SAMSN1: variants seen among roughly 807,000 people sequenced by gnomAD.
SAMSN1 encodes SAM domain, SH3 domain and nuclear localization signals 1, also known as SAM domain-containing protein SAMSN-1.
In SAMSN1, 31 loss-of-function variants were observed where a neutral mutation model predicts 42.0. That is an observed-to-expected ratio of 0.74 (90% CI 0.55 to 1.00). SAMSN1 has a LOEUF of 1.00. Among genes scored for constraint, SAMSN1 ranks in the 50% least tolerant of loss-of-function variants. The pLI is 0.00. For synonymous variants in SAMSN1, 178 were observed against 151.9 expected (o/e 1.17, Z -1.26); for missense variants, 464 against 439.4 (o/e 1.06, Z -0.50).
intron 2 of SAMSN1, among the ~76,000 whole-genome samples, chr21:14,632,136 A>G (rs542094675): frequency 1.3e-5 from 2 of 152,174 alleles, no homozygotes; most frequent in South Asian, 4.1e-4. Flanking sequence ...TTCAGTGGAG[A>G]GAGTGGTTCT....
At chr21:14,611,430 C>G in intron 4 of SAMSN1, among the ~76,000 whole-genome samples, 1 of 152,192 alleles carries the variant, frequency 6.6e-6, no homozygotes, top group East Asian at 1.9e-4. Flanking sequence ...TTGAATAATG[C>G]AACCTATGCA....
At chr21:14,521,425 C>T (rs907854855) in intron 1 of SAMSN1, among the ~76,000 whole-genome samples, 4 of 152,156 alleles carry the variant, frequency 2.6e-5, no homozygotes, top group South Asian at 2.1e-4. Context: ...TGTCTTTCTA[C>T]GCTTTTTGTC....
At chr21:14,601,920 G>C (rs1982442854) in intron 6 of SAMSN1, 2 of 422,474 alleles carry the variant, frequency 4.7e-6, no homozygotes, top group Non-Finnish European at 8.9e-6. Flanking sequence ...ATAGAAACTA[G>C]CTAAAAGGCT....
intron 2 of SAMSN1, chr21:14,642,927 T>A (rs1600981040): frequency 3.0e-6 from 2 of 675,230 alleles, no homozygotes; most frequent in East Asian, 5.4e-5. Flanking sequence ...GCTGTATTAA[T>A]AAGTATCATT....
At chr21:14,555,674 T>A (rs1331899040) in intron 2 of SAMSN1, among the ~76,000 whole-genome samples, 1 of 152,220 alleles carries the variant, frequency 6.6e-6, no homozygotes. Flanking sequence ...AATACAGTAT[T>A]CTGTGGAAGA....
At position 14,510,296 on chromosome 21, in the gene SAMSN1, T is replaced by A. The variant is rs755538342; in HGVS notation, c.561+14A>T. The stretch of plus-strand genomic sequence containing the variant: ...GACAGACCATTCAGAAGGTGGGATA[T>A]GATGTCCTCTCACCTTGATTTTGAG... On this transcript the variant is annotated intron_variant, in intron 5 of 7. Transcript: ENST00000400566. 6.2e-7 allele frequency: 1 copy of A among 1,612,912 alleles called. No individual in the cohort carries two copies. Among genetic ancestry groups the A allele is most frequent in the South Asian group, 1.1e-5 (1 of 91,056 alleles).
intron 2 of SAMSN1, among the ~76,000 whole-genome samples, chr21:14,639,541 C>T (rs1983544906): frequency 6.6e-6 from 1 of 152,152 alleles, no homozygotes; most frequent in South Asian, 2.1e-4. Flanking sequence ...AAAAGTCCCA[C>T]CTGTCAATAT....
At chr21:14,610,726 C>G (rs8129135) in intron 4 of SAMSN1, among the ~76,000 whole-genome samples, 1 of 152,102 alleles carries the variant, frequency 6.6e-6, no homozygotes, top group African/African-American at 2.4e-5. Flanking sequence ...AAATAACACA[C>G]GTTGAATTAT....
chr21:14,639,647 A>G (rs932211642), intron 2 of SAMSN1, among the ~76,000 whole-genome samples: 1 of 152,182 alleles, frequency 6.6e-6, no homozygotes, highest in Admixed American at 6.5e-5. Flanking sequence ...ATACTTTGTG[A>G]GCTTCAGACA....
intron 2 of SAMSN1, among the ~76,000 whole-genome samples, chr21:14,567,113 C>G (rs1338431039): frequency 1.3e-5 from 2 of 151,966 alleles, no homozygotes; most frequent in African/African-American, 4.8e-5. Context: ...GTGGTATTGA[C>G]AGAGGGTTTC....
At chr21:14,487,116 C>T (rs1347962914) in intron 7 of SAMSN1, among the ~76,000 whole-genome samples, 2 of 152,070 alleles carry the variant, frequency 1.3e-5, no homozygotes, top group African/African-American at 2.4e-5. Flanking sequence ...TGGGGCTTCA[C>T]CACTGTAGGC....
At chr21:14,530,176 G>T (rs1182443849) in intron 1 of SAMSN1, among the ~76,000 whole-genome samples, 5 of 151,998 alleles carry the variant, frequency 3.3e-5, no homozygotes, top group Non-Finnish European at 7.4e-5. Flanking sequence ...AATTAGCCGG[G>T]CGTGGTGGCG....
chr21:14,497,522 G>A (rs1450172564), intron 7 of SAMSN1, among the ~76,000 whole-genome samples: 11 of 152,162 alleles, frequency 7.2e-5, no homozygotes, highest in Admixed American at 2.6e-4. Context: ...AACCTGGGAG[G>A]CGGAGGTCGC....
At chr21:14,609,260 T>C (rs115509654) in intron 5 of SAMSN1, among the ~76,000 whole-genome samples, 3,866 of 152,244 alleles carry the variant, frequency 0.025, 97 homozygotes, top group South Asian at 0.072. Context: ...TTCCTTTCTG[T>C]ACATGTGTCT....
intron 7 of SAMSN1, chr21:14,496,058 C>T (rs2123671555): frequency 6.6e-6 from 1 of 152,220 alleles, no homozygotes; most frequent in East Asian, 1.9e-4. Context: ...CTCTGTGGGC[C>T]CCTGAGGATA....
chr21:14,600,307 T>G (rs1476359105), intron 6 of SAMSN1, among the ~76,000 whole-genome samples: 1 of 152,180 alleles, frequency 6.6e-6, no homozygotes, highest in Non-Finnish European at 1.5e-5. Context: ...AAATTAATAT[T>G]TTGCATAACA....
At position 14,602,021 on chromosome 21, in the gene SAMSN1, A is replaced by G. The variant is rs1333642873; in HGVS notation, c.399+2T>C. The G allele has an allele frequency of 1.2e-5, 8 of 687,564 alleles. No homozygotes were observed. The Admixed American group carries it at 1.8e-4, about 15-fold the overall frequency. The allele number at this position is 687,564 out of a possible 1,614,324, so 42.6% of individuals were successfully genotyped here. A position where few individuals can be genotyped will look rare whatever the true frequency, so the allele number is the denominator to read the frequency against. ...CACGCAAATGCTGATTATTCACATTACCTGATAGGAAGTTCCTTGTAGAGT... is the reference window on the plus strand; with the variant it reads ...CACGCAAATGCTGATTATTCACATTGCCTGATAGGAAGTTCCTTGTAGAGT... On this transcript the variant is annotated splice_donor_variant, in intron 6 of 15. Transcript: ENST00000647101. LOFTEE classifies it high-confidence loss of function.
At chr21:14,597,957 T>C (rs1982319175) in intron 6 of SAMSN1, 1 of 152,194 alleles carries the variant, frequency 6.6e-6, no homozygotes, top group South Asian at 2.1e-4. Flanking sequence ...TTTCTGACTA[T>C]ATTTCATTGG....
chr21:14,619,654 C>T, intron 2 of SAMSN1: 1 of 320,964 alleles, frequency 3.1e-6, no homozygotes, highest in Non-Finnish European at 6.6e-6. Context: ...TCACCTATCA[C>T]AAAGTTCATG....
Sources: gnomAD v4.1 joint callset for allele counts (sites outside exome capture counted in the v4.1 genomes callset) on GRCh38, gnomAD v4.1.1 for gene constraint, MANE v1.5 for transcripts, NCBI Gene and HGNC (gene_info 2026-07-23, HGNC 2026-07-21) for gene names.